SEMA5B: variants seen among roughly 807,000 people sequenced by gnomAD.
SEMA5B encodes the protein semaphorin-5B.
A neutral mutation model predicts 135.0 loss-of-function variants in SEMA5B; 66 were observed. The observed-to-expected ratio is 0.49, with a 90% CI of 0.40 to 0.60. SEMA5B has a LOEUF of 0.60. SEMA5B is among the 20% of genes least tolerant of loss of function. The pLI is 0.00. For synonymous variants in SEMA5B, 690 were observed against 639.5 expected, an observed-to-expected ratio of 1.08 and a Z score of -1.19; for missense variants, 1,501 against 1,566.3, an observed-to-expected ratio of 0.96 and a Z score of 0.70.
chr3:123,025,813 A>G (rs909509920), intron 1 of SEMA5B, among the ~76,000 whole-genome samples: 10 of 152,056 alleles, frequency 6.6e-5, no homozygotes, highest in African/African-American at 2.2e-4. Context: ...TCTCTCCTAT[A>G]TTTTATCTCC....
intron 3 of SEMA5B, among the ~76,000 whole-genome samples, chr3:122,947,132 G>A (rs1939823478): frequency 6.6e-6 from 1 of 152,094 alleles, no homozygotes; most frequent in South Asian, 2.1e-4. Flanking sequence ...CCAGTGTGAG[G>A]AGGCTAGCCC....
Position 122,974,987 on chromosome 3 carries a change from G to A in SEMA5B, c.-38-13686C>T, listed in dbSNP as rs1190112440. The A allele has an allele frequency of 3.9e-5, 6 of 152,242 alleles. No homozygotes were observed. In the South Asian group the frequency reaches 1.2e-3, roughly 32 times the overall value. 9.4% of individuals were successfully genotyped at this position (152,242 alleles called of 1,614,324 possible). A position where few individuals can be genotyped will look rare whatever the true frequency, so the allele number is the denominator to read the frequency against. ...AGAGTTATCTTCATAGAGGCCTGTT[G>A]GAGGAGCATCTGAAATGCAAGAATT... is the stretch of plus-strand genomic sequence containing the variant. On this transcript the variant is annotated intron_variant, in intron 1 of 22. Coordinates refer to ENST00000357599, the MANE Select transcript of SEMA5B (RefSeq NM_001031702.4).
chr3:123,006,997 G>A (rs763659849), intron 1 of SEMA5B, among the ~76,000 whole-genome samples: 6 of 152,114 alleles, frequency 3.9e-5, no homozygotes, highest in African/African-American at 9.7e-5. Context: ...AAAATATAAA[G>A]CAGAACTTCC....
At chr3:122,934,196 C>T (rs976155285) in intron 5 of SEMA5B, among the ~76,000 whole-genome samples, 6 of 151,702 alleles carry the variant, frequency 4.0e-5, no homozygotes, top group South Asian at 2.1e-4. Context: ...CGTGAGCCAC[C>T]GTGCCCGGCC....
At chr3:123,017,438 T>C (rs55949481) in intron 1 of SEMA5B, among the ~76,000 whole-genome samples, 2,172 of 152,284 alleles carry the variant, frequency 0.014, 52 homozygotes, top group African/African-American at 0.048. Flanking sequence ...CAAGTCTGTC[T>C]CATTTTCAAA....
intron 1 of SEMA5B, among the ~76,000 whole-genome samples, chr3:123,023,322 GCACACACACACA>G (rs3080430): frequency 2.0e-4 from 29 of 143,940 alleles, no homozygotes; most frequent in African/African-American, 2.5e-4. Flanking sequence ...ACTATTTCCA[GCACACACACACA>G]CACACACACA....
At chr3:123,016,888 G>A (rs944463817) in intron 1 of SEMA5B, among the ~76,000 whole-genome samples, 28 of 138,104 alleles carry the variant, frequency 2.0e-4, no homozygotes, top group South Asian at 6.8e-4. Context: ...GGCCTCAGGT[G>A]CATTTTTTTT....
rs932917292 is a variant in SEMA5B at position 122,911,796 on chromosome 3, C to G, written c.3046+124G>C. The G allele has an allele frequency of 3.1e-6, 4 of 1,277,132 alleles. No individual in the cohort carries two copies. In the African/African-American group the frequency reaches 4.5e-5, roughly 14 times the overall value. The allele number at this position is 1,277,132 out of a possible 1,614,324, so 79.1% of individuals were successfully genotyped here. A position where few individuals can be genotyped will look rare whatever the true frequency, so the allele number is the denominator to read the frequency against. ...GAGTTTTCTTTCGGCATCTCCTTCC[C>G]CCCACTTCCATGTTTCATCCTGTGC... is the stretch of plus-strand genomic sequence containing the variant. On this transcript the variant is annotated intron_variant, in intron 20 of 22. Transcript: ENST00000357599.
intron 2 of SEMA5B, among the ~76,000 whole-genome samples, chr3:122,951,007 C>G (rs4677870): frequency 0.85 from 128,745 of 152,118 alleles, 54,992 homozygotes; most frequent in Non-Finnish European, 0.9. Flanking sequence ...GATCATGGCT[C>G]ACTGCAGTCT....
At position 122,910,135 on chromosome 3, in the gene SEMA5B, C is replaced by G. The variant is rs573973481; in HGVS notation, c.*8G>C. ...AGGCAAGAAGCCCAAGTCCCCAGGA[C>G]GGCGGTATCAGCTGTTGGGGAAGCA... On this transcript the variant is annotated 3_prime_UTR_variant, in exon 23 of 23. Transcript: ENST00000357599. The G allele has an allele frequency of 6.2e-7, 1 of 1,612,948 alleles. No homozygotes were observed. The highest frequency in any genetic ancestry group is 1.3e-5 in the African/African-American group (1 of 74,916).
At chr3:122,928,370 A>G in intron 7 of SEMA5B, 147 bp downstream of exon 7, 2 of 607,516 alleles carry the variant, frequency 3.3e-6, no homozygotes. Context: ...TGTTTATCTG[A>G]ACTCCAAATC....
intron 1 of SEMA5B, among the ~76,000 whole-genome samples, chr3:122,985,455 G>A (rs1177744413): frequency 1.3e-5 from 2 of 151,742 alleles, no homozygotes; most frequent in Admixed American, 6.6e-5. Flanking sequence ...AGTGAACTAT[G>A]ATTGCACCAC....
chr3:122,916,577 G>C (rs1323161306), intron 12 of SEMA5B, among the ~76,000 whole-genome samples: 1 of 152,186 alleles, frequency 6.6e-6, no homozygotes, highest in African/African-American at 2.4e-5. Flanking sequence ...AGATCACACA[G>C]ATCATAGGTG....
At chr3:122,958,612 C>T (rs1190543023) in intron 2 of SEMA5B, among the ~76,000 whole-genome samples, 1 of 152,238 alleles carries the variant, frequency 6.6e-6, no homozygotes, top group Non-Finnish European at 1.5e-5. Context: ...CTTCCCATTG[C>T]TCTGAATAGA....
intron 1 of SEMA5B, among the ~76,000 whole-genome samples, chr3:122,961,883 G>A (rs1940597676): frequency 6.6e-6 from 1 of 152,172 alleles, no homozygotes; most frequent in Non-Finnish European, 1.5e-5. Context: ...CCTCAATGGA[G>A]GCTCTGGGGG....
intron 1 of SEMA5B, among the ~76,000 whole-genome samples, chr3:123,004,556 C>G (rs563392629): frequency 6.6e-6 from 1 of 152,280 alleles, no homozygotes; most frequent in South Asian, 2.1e-4. Context: ...CAATGGCTAA[C>G]AATGTAAAAC....
At chr3:122,969,081 A>G (rs1941004409) in intron 1 of SEMA5B, among the ~76,000 whole-genome samples, 1 of 152,186 alleles carries the variant, frequency 6.6e-6, no homozygotes, top group South Asian at 2.1e-4. Context: ...TCTATGACAG[A>G]CAGTGTGCTA....
chr3:122,923,523 C>T (rs180962318), intron 10 of SEMA5B, 94 bp downstream of exon 10: 2 of 1,420,100 alleles, frequency 1.4e-6, no homozygotes, highest in East Asian at 4.6e-5. Context: ...GGTCTGGTGT[C>T]TGTCTGTGCT....
rs149299726 is a variant in SEMA5B, at chr3:122,986,240, A to T, written c.-38-24939T>A. ...AAAGTGTCAGAAGAAAGTGGATGCG[A>T]GACTTCTGAAAGGACAGGTGCTTTG... On this transcript the variant is annotated intron_variant, in intron 1 of 22. Transcript: ENST00000357599. Among the ~76,000 whole-genome samples, 281 of 152,374 alleles carry T rather than the reference A, an allele frequency of 1.8e-3. 2 individuals carry two copies. The highest frequency in any genetic ancestry group is 6.3e-3 in the African/African-American group (263 of 41,584).
Sources: gnomAD v4.1 joint callset for allele counts (sites outside exome capture counted in the v4.1 genomes callset) on GRCh38, gnomAD v4.1.1 for gene constraint, MANE v1.5 for transcripts, NCBI Gene and HGNC (gene_info 2026-07-23, HGNC 2026-07-21) for gene names.